ZAN: variants seen among roughly 807,000 people sequenced by gnomAD.
The protein encoded by ZAN is zonadhesin.
A neutral mutation model predicts 286.2 loss-of-function variants in ZAN; 260 were observed. The ratio of observed to expected loss-of-function variants is 0.91; its 90% CI spans 0.82 to 1.01. The LOEUF is 1.01. Among genes scored for constraint, ZAN ranks in the 50% least tolerant of loss-of-function variants. ZAN has a pLI of 0.00. For missense variants in ZAN, 3,410 were observed against 3,639.2 expected (o/e 0.94, Z 1.62); for synonymous variants, 1,368 against 1,417.5 (o/e 0.97, Z 0.79).
At position 100,795,218 on chromosome 7, in the gene ZAN, CT is replaced by C. The variant is rs1429469283; in HGVS notation, c.8149del (p.Cys2717ValfsTer61). ...FPESPCLQNP[C>X]QNDGQCREQG... ...CAGAAAGCCCGTGTCTGCAGAACCCCTGTCAGAATGACGGGCAGTGTCGGGA... is the reference window on the plus strand; with the variant it reads ...CAGAAAGCCCGTGTCTGCAGAACCCCGTCAGAATGACGGGCAGTGTCGGGA... On this transcript the variant is annotated frameshift_variant, in exon 45 of 48. Coordinates refer to ENST00000613979, the MANE Select transcript of ZAN (RefSeq NM_003386.3). LOFTEE classifies it high-confidence loss of function. 6.2e-7 allele frequency: 1 copy of C among 1,610,652 alleles called. No homozygotes were observed. Among genetic ancestry groups the C allele is most frequent in the East Asian group, 2.2e-5 (1 of 44,574 alleles).
At chr7:100,751,016 C>G (rs1044885407) in intron 12 of ZAN, 120 bp downstream of exon 12, 1 of 1,446,404 alleles carries the variant, frequency 6.9e-7, no homozygotes, top group Admixed American at 2.6e-5. Flanking sequence ...AAAAGGGGAA[C>G]TTCGTGTTAC....
chr7:100,748,190 T>C lies in ZAN; in HGVS notation c.1077T>C (p.Asp359=). Residue 359 remains aspartate, a synonymous_variant, in exon 10 of 48, where the codon GAT becomes GAC. Coordinates refer to ENST00000613979, the MANE Select transcript of ZAN (RefSeq NM_003386.3). ...CCCCAGAGCCAGCTGTGGCAGTTGA[T>C]GCAACCAGCATTGCTCCTTGTGGGG... ...GKTPEPAVAV[D]ATSIAPCGEG... 1 of 1,613,828 alleles carries C rather than the reference T, an allele frequency of 6.2e-7. No individual in the cohort carries two copies.
chr7:100,758,962 G>A (rs893435970), intron 17 of ZAN, among the ~76,000 whole-genome samples: 2 of 152,088 alleles, frequency 1.3e-5, no homozygotes, highest in African/African-American at 2.4e-5. Flanking sequence ...AGTGGCTCAC[G>A]CCTGTAACCC....
chr7:100,757,961 C>A (rs1584578327), intron 15 of ZAN, among the ~76,000 whole-genome samples: 1 of 150,264 alleles, frequency 6.7e-6, no homozygotes, highest in Admixed American at 6.7e-5. Flanking sequence ...TGGCATGTGC[C>A]TGTAGTCCCA....
chr7:100,773,102 C>T (rs1287067876), intron 29 of ZAN, among the ~76,000 whole-genome samples, 183 bp from the exon 30 acceptor site: 1 of 151,476 alleles, frequency 6.6e-6, no homozygotes, highest in East Asian at 2.0e-4. Flanking sequence ...CGGTTTTTCA[C>T]CATGTTGGCC....
intron 37 of ZAN, 111 bp downstream of exon 37, chr7:100,786,252 G>A (rs1361450546): frequency 1.4e-6 from 2 of 1,478,290 alleles, no homozygotes; most frequent in Non-Finnish European, 1.8e-6. Context: ...CACAGTCAGG[G>A]GTTGGGGCGG....
chr7:100,792,659 C>T (rs1228190664), intron 42 of ZAN, 180 bp downstream of exon 42: 25 of 1,374,780 alleles, frequency 1.8e-5, no homozygotes, highest in African/African-American at 1.3e-4. Context: ...CATCATCCCT[C>T]GAATTTCTGC....
intron 35 of ZAN, among the ~76,000 whole-genome samples, chr7:100,780,261 A>G (rs1007026371): frequency 6.6e-6 from 1 of 152,148 alleles, no homozygotes; most frequent in African/African-American, 2.4e-5. Flanking sequence ...ATATAACGCC[A>G]GAAACTTTTA....
chr7:100,797,607 C>T lies in ZAN; in HGVS notation c.8397C>T (p.Ala2799=). Reference sequence around the variant, plus strand: ...AAACGCAGGAGGGAGACAGACTGGCCAGGCTGGTGGACACAGGTGAGAACC... The same window carrying T: ...AAACGCAGGAGGGAGACAGACTGGCTAGGCTGGTGGACACAGGTGAGAACC... ...REKTQEGDRL[A]RLVDTDTVLD... The change falls in exon 47 of 48, where the codon GCC becomes GCT. Residue 2799 remains alanine (A), a synonymous_variant. Coordinates refer to ENST00000613979, the MANE Select transcript of ZAN (RefSeq NM_003386.3). The T allele has an allele frequency of 6.2e-7, 1 of 1,613,922 alleles. No homozygotes were observed. Among genetic ancestry groups the T allele is most frequent in the Non-Finnish European group, 8.5e-7 (1 of 1,179,886 alleles).
At position 100,775,801 on chromosome 7, in the gene ZAN, G is replaced by A. The variant is rs376326462; in HGVS notation, c.6160G>A (p.Glu2054Lys). The A allele has an allele frequency of 1.2e-6, 2 of 1,613,706 alleles. No individual in the cohort carries two copies. Among genetic ancestry groups the A allele is most frequent in the African/African-American group, 2.7e-5 (2 of 74,916 alleles). Reference sequence around the variant, plus strand: ...CAAGTTTGACGGGAATCATCTCTTAGAGATTGAAATCCCCACAACCTACTA... The same window carrying A: ...CAAGTTTGACGGGAATCATCTCTTAAAGATTGAAATCCCCACAACCTACTA... ...QVKFDGNHLLEIEIPTTYYGK... is the reference protein window; with the variant it reads ...QVKFDGNHLLKIEIPTTYYGK... The change falls in exon 33 of 48, where the codon GAG becomes AAG. Residue 2054 changes from glutamate (E) to lysine (K), a missense_variant. By Grantham distance (56) the Glu-to-Lys change is moderately conservative. This residue lies in a region of ZAN where 1,289 missense variants were observed against 1,314.3 expected (regional missense o/e 0.98). Transcript: ENST00000613979.
intron 9 of ZAN, 43 bp downstream of exon 9, chr7:100,747,684 C>T (rs1808329124): frequency 1.3e-6 from 2 of 1,558,084 alleles, no homozygotes; most frequent in Non-Finnish European, 1.8e-6. Context: ...ATGGTAGGCA[C>T]ACCCAATGTT....
intron 24 of ZAN, 32 bp from the exon 25 acceptor site, chr7:100,766,978 T>G (rs1584594767): frequency 8.1e-6 from 13 of 1,609,266 alleles, no homozygotes; most frequent in Non-Finnish European, 1.1e-5. Context: ...CATGGAGGAG[T>G]GAGACTGTGA....
chr7:100,736,993 T>G lies in ZAN; in HGVS notation c.438T>G (p.Asp146Glu), dbSNP rs980911268. ...CGGGTGAAGAGGGCCGCCGCCCCGATGTGCTCTGGAAACACTGGAACACCC... is the reference window on the plus strand; with the variant it reads ...CGGGTGAAGAGGGCCGCCGCCCCGAGGTGCTCTGGAAACACTGGAACACCC... ...LLSGEEGRRP[D>E]VLWKHWNTQR... The change falls in exon 5 of 48, where the codon GAT becomes GAG. Residue 146 changes from aspartate to glutamate, a missense_variant. Asp to Glu is a conservative substitution (Grantham distance 45). Around this residue, in one of 7 missense-constraint regions of ZAN, gnomAD observed 872 missense variants for 938.9 expected, o/e 0.93. Transcript: ENST00000613979. 12 of 1,502,590 alleles carry G rather than the reference T, an allele frequency of 8.0e-6. 3 individuals are homozygous for G. Among genetic ancestry groups the G allele is most frequent in the Admixed American group, 5.5e-5 (3 of 54,592 alleles). 93.1% of individuals were successfully genotyped at this position (1,502,590 alleles called of 1,614,324 possible).
At chr7:100,790,561 CA>C (rs71517127) in intron 39 of ZAN, among the ~76,000 whole-genome samples, 8,447 of 61,860 alleles carry the variant, frequency 0.14, 780 homozygotes, top group African/African-American at 0.34. Context: ...GACTCCATCT[CA>C]AAAAAAAAAA....
At chr7:100,765,198 C>G (rs1030741855) in intron 22 of ZAN, among the ~76,000 whole-genome samples, 154 bp from the exon 23 acceptor site, 1 of 152,160 alleles carries the variant, frequency 6.6e-6, no homozygotes, top group Non-Finnish European at 1.5e-5. Flanking sequence ...GGGAGCCAGC[C>G]AGGCTCCTTG....
At chr7:100,770,549 A>C (rs1810306611) in intron 28 of ZAN, among the ~76,000 whole-genome samples, 1 of 149,958 alleles carries the variant, frequency 6.7e-6, no homozygotes, top group Non-Finnish European at 1.5e-5. Context: ...GAGTCTCACT[A>C]TGTAGCCCAG....
At chr7:100,762,908 T>A (rs555299618) in intron 20 of ZAN, among the ~76,000 whole-genome samples, 71 of 151,760 alleles carry the variant, frequency 4.7e-4, no homozygotes, top group Admixed American at 9.2e-4. Context: ...TTAACAAAAT[T>A]TTTTGGTAGA....
At chr7:100,791,547 C>CA (rs1343578928) in intron 40 of ZAN, among the ~76,000 whole-genome samples, 1 of 151,922 alleles carries the variant, frequency 6.6e-6, no homozygotes, top group African/African-American at 2.4e-5. Flanking sequence ...GCTGGGACTA[C>CA]AGGCATGGGC....
chr7:100,745,747 G>C (rs755049655), intron 7 of ZAN, among the ~76,000 whole-genome samples: 1 of 151,248 alleles, frequency 6.6e-6, no homozygotes, highest in African/African-American at 2.4e-5. Flanking sequence ...TTAGCTGGGC[G>C]GACTCCAGGT....
Sources: allele counts gnomAD v4.1 joint callset (sites outside exome capture counted in the v4.1 genomes callset), GRCh38; gene constraint gnomAD v4.1.1; regional missense constraint gnomAD v4.1.1; transcripts MANE v1.5; gene names NCBI Gene and HGNC (gene_info 2026-07-23, HGNC 2026-07-21).